The following PTPRG variants were observed in gnomAD, a reference collection of about 807,000 sequenced individuals.
The protein encoded by PTPRG is protein tyrosine phosphatase receptor type G.
Under a neutral mutation model 165.3 loss-of-function variants are expected in PTPRG, and 102 were observed. That is an observed-to-expected ratio of 0.62 (90% CI 0.53 to 0.73). The LOEUF (loss-of-function observed/expected upper bound fraction) is 0.73, where lower values mean the gene tolerates loss of function less well. Ranked by LOEUF, PTPRG falls within the 30% of genes least tolerant of loss-of-function variation. PTPRG has a pLI of 0.00. For synonymous variants in PTPRG, 675 were observed against 669.5 expected (o/e 1.01, Z -0.13); for missense variants, 1,866 against 1,861.4 (o/e 1.00, Z -0.05).
intron 2 of PTPRG, among the ~76,000 whole-genome samples, chr3:61,946,856 C>T (rs1289579077): frequency 1.3e-5 from 2 of 152,168 alleles, no homozygotes; most frequent in African/African-American, 4.8e-5. Context: ...GGTATCTTCC[C>T]TCTTCTAGAA....
chr3:62,074,889 C>G (rs543943303), intron 4 of PTPRG, among the ~76,000 whole-genome samples: 1 of 152,288 alleles, frequency 6.6e-6, no homozygotes. Flanking sequence ...TTTCCAGCCT[C>G]TGTCCAAACT....
intron 2 of PTPRG, among the ~76,000 whole-genome samples, chr3:61,762,065 C>T (rs139888506): frequency 2.6e-5 from 4 of 152,172 alleles, no homozygotes; most frequent in East Asian, 1.9e-4. Context: ...CAAAGATGAG[C>T]GAAGGCATTT....
intron 1 of PTPRG, among the ~76,000 whole-genome samples, chr3:61,618,597 GA>G (rs1701365154): frequency 6.6e-6 from 1 of 151,760 alleles, no homozygotes; most frequent in South Asian, 2.1e-4. Flanking sequence ...ATGTCGAGGG[GA>G]AAAAAACGGT....
intron 1 of PTPRG, among the ~76,000 whole-genome samples, chr3:61,738,971 CT>C (rs1174097640): frequency 3.7e-3 from 162 of 43,686 alleles, no homozygotes; most frequent in African/African-American, 5.3e-3. Context: ...TGCTCTGTTG[CT>C]TTTTTTTTTT....
At position 62,210,250 on chromosome 3, in the gene PTPRG, C is replaced by T. The variant is rs974882495; in HGVS notation, c.2155+6300C>T. ...TTAACACAGAGCCAGTGTCCTGTTG[C>T]AAGAGAACATATTTATTTGTAACTG... On this transcript the variant is annotated intron_variant, in intron 12 of 29. Coordinates refer to ENST00000474889, the MANE Select transcript of PTPRG (RefSeq NM_002841.4). The surrounding 1 kb of genome is among the most constrained non-coding windows in gnomAD (Gnocchi z 4.1). Among the ~76,000 whole-genome samples, 8 of 152,162 alleles carry T rather than the reference C, an allele frequency of 5.3e-5. No individual in the cohort carries two copies. The highest frequency in any genetic ancestry group is 1.4e-4 in the African/African-American group (6 of 41,442).
At chr3:61,684,655 G>A (rs1703564067) in intron 1 of PTPRG, among the ~76,000 whole-genome samples, 1 of 152,146 alleles carries the variant, frequency 6.6e-6, no homozygotes, top group South Asian at 2.1e-4. Flanking sequence ...TCTGATCCTG[G>A]GGCATTTACA....
intron 19 of PTPRG, 74 bp from the exon 20 acceptor site, chr3:62,268,958 TGTC>T: frequency 6.5e-6 from 9 of 1,385,734 alleles, no homozygotes; most frequent in Non-Finnish European, 5.8e-6. Flanking sequence ...GTTTTAACAT[TGTC>T]GTTTGAAATT....
At chr3:62,008,443 C>T (rs558067998) in intron 4 of PTPRG, among the ~76,000 whole-genome samples, 3 of 152,312 alleles carry the variant, frequency 2.0e-5, no homozygotes, top group Admixed American at 1.3e-4. Flanking sequence ...AAAGTCACAG[C>T]TGGTTCATTT....
chr3:61,807,137 G>C (rs974832918), intron 2 of PTPRG, among the ~76,000 whole-genome samples: 2 of 152,284 alleles, frequency 1.3e-5, no homozygotes, highest in South Asian at 4.1e-4. Context: ...TGCACTAGCT[G>C]TACATCATTT....
In PTPRG at chr3:62,067,037, T is replaced by TGA. The variant is rs759567324; in HGVS notation, c.520-11126_520-11125insGA. Reference sequence around the variant, plus strand: ...TGGCGACAAAGTGAGAGATTCTGACTCAAAAAAAAAAAAAAAAAAAAAAAT... The same window carrying TGA: ...TGGCGACAAAGTGAGAGATTCTGACTGACAAAAAAAAAAAAAAAAAAAAAAAT... On this transcript the variant is annotated intron_variant, in intron 4 of 29. Coordinates refer to ENST00000474889, the MANE Select transcript of PTPRG (RefSeq NM_002841.4). 1.7e-3 allele frequency among the ~76,000 whole-genome samples: 84 copies of TGA among 48,152 alleles called. 2 individuals carry two copies. The highest frequency in any genetic ancestry group is 5.0e-3 in the Admixed American group (20 of 4,026). 31.6% of individuals were successfully genotyped at this position (48,152 alleles called of 152,430 possible).
At chr3:61,839,369 G>A (rs1559641837) in intron 2 of PTPRG, among the ~76,000 whole-genome samples, 2 of 152,130 alleles carry the variant, frequency 1.3e-5, no homozygotes, top group Admixed American at 1.3e-4. Flanking sequence ...CTATGATACT[G>A]TTCTGTTTCT....
intron 4 of PTPRG, among the ~76,000 whole-genome samples, chr3:62,075,823 G>A (rs578060306): frequency 7.7e-4 from 117 of 152,166 alleles, no homozygotes; most frequent in Middle Eastern, 3.4e-3. Context: ...ATAGCATCAC[G>A]CCTTTTGGAA....
chr3:61,914,482 A>T (rs1045262742), intron 2 of PTPRG, among the ~76,000 whole-genome samples: 1 of 152,210 alleles, frequency 6.6e-6, no homozygotes, highest in Non-Finnish European at 1.5e-5. Context: ...CTTTCCTGCT[A>T]TGAATACAGC....
intron 1 of PTPRG, among the ~76,000 whole-genome samples, chr3:61,660,405 G>A (rs1156594486): frequency 6.6e-6 from 1 of 152,220 alleles, no homozygotes; most frequent in Non-Finnish European, 1.5e-5. Flanking sequence ...TTGACCAGGA[G>A]GTAAACCTGA....
chr3:61,685,024 G>C (rs762005445), intron 1 of PTPRG, among the ~76,000 whole-genome samples: 2 of 152,034 alleles, frequency 1.3e-5, no homozygotes, highest in African/African-American at 4.8e-5. Context: ...CCCTCTCTCT[G>C]TTACTCCTCC....
At position 62,237,055 on chromosome 3, in the gene PTPRG, C is replaced by T. The variant is rs1701050399; in HGVS notation, c.2375+5744C>T. On this transcript the variant is annotated intron_variant, in intron 14 of 29. Coordinates refer to ENST00000474889, the MANE Select transcript of PTPRG (RefSeq NM_002841.4). The surrounding 1 kb of genome is among the most constrained non-coding windows in gnomAD (Gnocchi z 4.5). ...ATTTCTAATGTTCAGTCTTTCTGCA[C>T]TCAAGTTCAGCACTTTGCTTCTGAA... Among the ~76,000 whole-genome samples the T allele has an allele frequency of 6.6e-6, 1 of 152,150 alleles. No individual in the cohort carries two copies. The highest frequency in any genetic ancestry group is 1.5e-5 in the Non-Finnish European group (1 of 68,030).
At chr3:62,215,920 T>A (rs2106877168) in intron 12 of PTPRG, among the ~76,000 whole-genome samples, 1 of 152,290 alleles carries the variant, frequency 6.6e-6, no homozygotes, top group African/African-American at 2.4e-5. Context: ...TCACTGGTTT[T>A]AGAATGGCTG....
rs183039087 is a variant in PTPRG at position 62,051,101 on chromosome 3, A to G, written c.520-27062A>G. On this transcript the variant is annotated intron_variant, in intron 4 of 29. Coordinates refer to ENST00000474889, the MANE Select transcript of PTPRG (RefSeq NM_002841.4). ...AGAGTACAGAAAGCCACTTTCGGGC[A>G]TAAGTGAGGCATGTCTCCAGGTTTC... Among the ~76,000 whole-genome samples, 3 of 152,332 alleles carry G rather than the reference A, an allele frequency of 2.0e-5. No individual in the cohort carries two copies. The East Asian group carries it at 5.8e-4, about 29-fold the overall frequency.
In PTPRG at chr3:62,203,131, T is replaced by G. The variant is rs760535182; in HGVS notation, c.1378-42T>G. The G allele has an allele frequency of 1.6e-5, 25 of 1,526,762 alleles. No individual in the cohort carries two copies. Among genetic ancestry groups the G allele is most frequent in the Middle Eastern group, 3.6e-4 (2 of 5,610 alleles). 94.6% of individuals were successfully genotyped at this position (1,526,762 alleles called of 1,614,324 possible). ...TTACTGATGCTTCTCTGCTTTTTCT[T>G]CTTCTGCCTCTTTTCCACCCTTGCC... On this transcript the variant is annotated intron_variant, in intron 11 of 29. Coordinates refer to ENST00000474889, the MANE Select transcript of PTPRG (RefSeq NM_002841.4). The surrounding 1 kb of genome is among the most constrained non-coding windows in gnomAD (Gnocchi z 6.4).
Sources: gnomAD v4.1 joint callset for allele counts (sites outside exome capture counted in the v4.1 genomes callset) on GRCh38, gnomAD v4.1.1 for gene constraint, Gnocchi (gnomAD v3.1) non-coding constraint, MANE v1.5 for transcripts, NCBI Gene and HGNC (gene_info 2026-07-23, HGNC 2026-07-21) for gene names.